Variants in MFSD11 observed in about 807,000 individuals in gnomAD.
MFSD11 encodes UNC93-like protein MFSD11.
Under a neutral mutation model 53.5 loss-of-function variants are expected in MFSD11, and 36 were observed. That is an observed-to-expected ratio of 0.67 (90% confidence interval 0.52 to 0.89). The LOEUF (loss-of-function observed/expected upper bound fraction) is 0.89, where lower values mean the gene tolerates loss of function less well. MFSD11 is among the 40% of genes least tolerant of loss of function. The pLI is 0.00. For synonymous variants in MFSD11, 186 were observed against 184.9 expected (o/e 1.01, Z -0.05); for missense variants, 530 against 543.9 (o/e 0.97, Z 0.25).
At chr17:76,737,282 G>A (rs758989770), upstream of MFSD11, 25 of 1,341,580 alleles carry the variant, frequency 1.9e-5, no homozygotes, top group African/African-American at 2.1e-4. Flanking sequence ...AGGCCTTGCC[G>A]CAGAACAGCA....
At chr17:76,802,770 C>A in the MFSD11 span, among the ~76,000 whole-genome samples, 85 of 152,054 alleles carry the variant, frequency 5.6e-4, no homozygotes, top group African/African-American at 2.0e-3. Context: ...TCCCAGCTAC[C>A]GCATGAGTAC....
At chr17:76,755,292 C>T (rs567870205) in intron 8 of MFSD11, among the ~76,000 whole-genome samples, 2 of 152,268 alleles carry the variant, frequency 1.3e-5, no homozygotes, top group African/African-American at 2.4e-5. Context: ...GCCAGATTCT[C>T]TTAATTTCCT....
chr17:76,751,698 C>CA lies in MFSD11; in HGVS notation c.642-2335dup, dbSNP rs760998250. 7.4e-3 allele frequency among the ~76,000 whole-genome samples: 497 copies of CA among 66,900 alleles called. 1 individual carries two copies. The highest frequency in any genetic ancestry group is 0.023 in the East Asian group (61 of 2,694). The allele number at this position is 66,900 out of a possible 152,430, so 43.9% of individuals were successfully genotyped here. On this transcript the variant is annotated intron_variant, in intron 7 of 12. Coordinates refer to ENST00000685175, the MANE Select transcript of MFSD11 (RefSeq NM_001242532.5). Reference sequence around the variant, plus strand: ...CTGATGACAGAGCAAGACTCGGTCTCAAAAAAAAAAAAAAGGAAAAAGAAA... The same window carrying CA: ...CTGATGACAGAGCAAGACTCGGTCTCAAAAAAAAAAAAAAAGGAAAAAGAAA...
chr17:76,749,010 A>G (rs1568060753), intron 7 of MFSD11, among the ~76,000 whole-genome samples: 1 of 152,194 alleles, frequency 6.6e-6, no homozygotes, highest in Non-Finnish European at 1.5e-5. Flanking sequence ...CATGGAGCTT[A>G]CTTTCTAGTT....
chr17:76,775,026 A>G lies in MFSD11; in HGVS notation c.904A>G (p.Asn302Asp). The G allele has an allele frequency of 6.2e-7, 1 of 1,614,022 alleles. No homozygotes were observed. ...GGSLFGLLSK[N>D]NRFGRNPVVL... Reference sequence around the variant, plus strand: ...AAGCCTCTTCGGCCTGCTGAGCAAGAACAATCGTTTTGGTAGAAATCCAGT... The same window carrying G: ...AAGCCTCTTCGGCCTGCTGAGCAAGGACAATCGTTTTGGTAGAAATCCAGT... The change falls in exon 11 of 13, where the codon AAC becomes GAC. Residue 302 changes from asparagine to aspartate, a missense_variant. Coordinates refer to ENST00000685175, the MANE Select transcript of MFSD11 (RefSeq NM_001242532.5).
intron 5 of MFSD11, among the ~76,000 whole-genome samples, chr17:76,742,618 T>TCAAGC (rs2078199509): frequency 6.6e-6 from 1 of 152,164 alleles, no homozygotes; most frequent in Non-Finnish European, 1.5e-5. Flanking sequence ...TTCTCCTGCC[T>TCAAGC]TAGCCTCCTG....
At chr17:76,791,570 G>A in the MFSD11 span, among the ~76,000 whole-genome samples, 3 of 148,960 alleles carry the variant, frequency 2.0e-5, no homozygotes, top group East Asian at 5.9e-4. Context: ...TGTGGTTGGC[G>A]CGCTGGGGAG....
intron 8 of MFSD11, among the ~76,000 whole-genome samples, chr17:76,759,622 TG>T (rs1353242000): frequency 1.3e-5 from 2 of 151,982 alleles, no homozygotes; most frequent in Admixed American, 6.6e-5. Flanking sequence ...GCCTGGCTAA[TG>T]TTTTTTTGTA....
chr17:76,786,775 G>C, the MFSD11 span, among the ~76,000 whole-genome samples: 1 of 152,146 alleles, frequency 6.6e-6, no homozygotes, highest in Non-Finnish European at 1.5e-5. Context: ...CCGTACTCCA[G>C]AAGGAAAGCA....
upstream of MFSD11, chr17:76,737,251 T>A (rs780469516): frequency 6.9e-7 from 1 of 1,446,178 alleles, no homozygotes. Context: ...GCAGTTGCCT[T>A]CCGCGTGGGG....
At chr17:76,759,113 T>G (rs1168533675) in intron 8 of MFSD11, among the ~76,000 whole-genome samples, 1 of 151,916 alleles carries the variant, frequency 6.6e-6, no homozygotes, top group Non-Finnish European at 1.5e-5. Context: ...AAAAATTAGC[T>G]GGGAATGGTG....
chr17:76,790,466 C>T, the MFSD11 span, among the ~76,000 whole-genome samples: 2 of 147,384 alleles, frequency 1.4e-5, no homozygotes, highest in Non-Finnish European at 3.0e-5. Flanking sequence ...CTCAGCCTCC[C>T]GAGTAGCTGG....
At chr17:76,789,026 C>T in the MFSD11 span, among the ~76,000 whole-genome samples, 3 of 149,934 alleles carry the variant, frequency 2.0e-5, no homozygotes, top group East Asian at 3.9e-4. Flanking sequence ...CCTGTAATCC[C>T]AGCTACTGGG....
At chr17:76,787,023 G>T in the MFSD11 span, among the ~76,000 whole-genome samples, 1 of 151,282 alleles carries the variant, frequency 6.6e-6, no homozygotes, top group Non-Finnish European at 1.5e-5. Flanking sequence ...TGCAGGCTTT[G>T]TATCAATACA....
In MFSD11 at chr17:76,744,366, C is replaced by G. The variant is rs778757058; in HGVS notation, c.541C>G (p.Leu181Val). ...GTTTATTGCCCTAACGGTGATTAGC[C>G]TTGTGGGGACAGTTCTATTCTTTCT... Reference protein sequence around the residue: ...TVFIALTVISLVGTVLFFLIR... With the variant: ...TVFIALTVISVVGTVLFFLIR... Residue 181 changes from leucine (L) to valine (V), a missense_variant, in exon 7 of 13, where the codon CTT becomes GTT. Coordinates refer to ENST00000685175, the MANE Select transcript of MFSD11 (RefSeq NM_001242532.5). 26 of 1,613,890 alleles carry G rather than the reference C, an allele frequency of 1.6e-5. No individual in the cohort carries two copies. In the Admixed American group the frequency reaches 4.3e-4, roughly 27 times the overall value.
At chr17:76,802,415 C>A in the MFSD11 span, among the ~76,000 whole-genome samples, 41 of 152,304 alleles carry the variant, frequency 2.7e-4, no homozygotes, top group African/African-American at 9.9e-4. Context: ...TTGGCAGTTT[C>A]TCAAAATATT....
chr17:76,741,155 G>T, intron 3 of MFSD11, 91 bp downstream of exon 3: 2 of 879,462 alleles, frequency 2.3e-6, no homozygotes, highest in Non-Finnish European at 3.8e-6. Context: ...TATAGACTTG[G>T]ACTGAATAGA....
intron 2 of MFSD11, 100 bp from the exon 3 acceptor site, chr17:76,740,853 GTTTA>G: frequency 1.5e-6 from 1 of 686,044 alleles, no homozygotes; most frequent in Non-Finnish European, 2.5e-6. Flanking sequence ...TAATATGAGT[GTTTA>G]TTGTAAAATC....
At chr17:76,756,535 T>C (rs2079650364) in intron 8 of MFSD11, among the ~76,000 whole-genome samples, 1 of 152,198 alleles carries the variant, frequency 6.6e-6, no homozygotes, top group African/African-American at 2.4e-5. Context: ...TTGGCTTTCA[T>C]CTTTGCAGGC....
Sources: gnomAD v4.1 joint callset for allele counts (sites outside exome capture counted in the v4.1 genomes callset) on GRCh38, gnomAD v4.1.1 for gene constraint, MANE v1.5 for transcripts, NCBI Gene and HGNC (gene_info 2026-07-23, HGNC 2026-07-21) for gene names.